Variants in EMID1 observed in about 807,000 individuals in gnomAD.
EMID1 encodes EMI domain containing 1, also known as EMI domain-containing protein 1.
Under a neutral mutation model 60.6 loss-of-function variants are expected in EMID1, and 40 were observed. The ratio of observed to expected loss-of-function variants is 0.66; its 90% CI spans 0.51 to 0.86. The LOEUF (loss-of-function observed/expected upper bound fraction) is 0.86, where lower values mean the gene tolerates loss of function less well. Among genes scored for constraint, EMID1 ranks in the 40% least tolerant of loss-of-function variants. EMID1 has a pLI of 0.00. For missense variants in EMID1, 585 were observed against 597.1 expected (o/e 0.98, Z 0.21); for synonymous variants, 242 against 231.0 (o/e 1.05, Z -0.43).
intron 12 of EMID1, among the ~76,000 whole-genome samples, chr22:29,241,622 C>T (rs1053618050): frequency 2.6e-5 from 4 of 152,266 alleles, no homozygotes; most frequent in African/African-American, 9.6e-5. Flanking sequence ...CTTGTGACCT[C>T]AGATGATCCG....
At chr22:29,211,181 C>A (rs1271694247) in intron 1 of EMID1, among the ~76,000 whole-genome samples, 4 of 152,074 alleles carry the variant, frequency 2.6e-5, no homozygotes, top group Non-Finnish European at 5.9e-5. Context: ...CCCCTCTGGG[C>A]CTGCTTTGGT....
At chr22:29,228,305 G>A (rs1390440082) in intron 5 of EMID1, among the ~76,000 whole-genome samples, 4 of 151,846 alleles carry the variant, frequency 2.6e-5, no homozygotes, top group Non-Finnish European at 4.4e-5. Context: ...CACCCTGGAC[G>A]ACAGAGCGAG....
chr22:29,216,330 C>A, intron 3 of EMID1: 1 of 985,456 alleles, frequency 1.0e-6, no homozygotes, highest in African/African-American at 1.7e-5. Flanking sequence ...CAGGCACCTG[C>A]CCCTCTGCTG....
chr22:29,239,851 CTGT>C (rs1431006939), intron 12 of EMID1, among the ~76,000 whole-genome samples: 1 of 151,810 alleles, frequency 6.6e-6, no homozygotes, highest in African/African-American at 2.4e-5. Flanking sequence ...CCTCCACCTC[CTGT>C]GTTCAAGTGA....
At chr22:29,216,406 C>T (rs2040084107) in intron 3 of EMID1, 3 of 985,402 alleles carry the variant, frequency 3.0e-6, no homozygotes, top group Non-Finnish European at 3.6e-6. Flanking sequence ...TTTTGGACAC[C>T]AAGAGCTGTG....
At chr22:29,223,672 C>T (rs2040389204) in intron 3 of EMID1, among the ~76,000 whole-genome samples, 1 of 152,226 alleles carries the variant, frequency 6.6e-6, no homozygotes, top group Non-Finnish European at 1.5e-5. Flanking sequence ...CTCATTTCCT[C>T]CTAGCGGGGA....
chr22:29,208,662 G>A (rs950451508), intron 1 of EMID1, among the ~76,000 whole-genome samples: 3 of 152,200 alleles, frequency 2.0e-5, no homozygotes, highest in Non-Finnish European at 2.9e-5. Flanking sequence ...GGTGACCTGG[G>A]TAGGTGCTTT....
At chr22:29,235,333 A>C (rs1249453057) in intron 12 of EMID1, among the ~76,000 whole-genome samples, 2 of 139,260 alleles carry the variant, frequency 1.4e-5, no homozygotes, top group African/African-American at 5.4e-5. Context: ...GGGCAATAAG[A>C]GTGAGACTTC....
At chr22:29,234,588 G>C (rs1419989710) in intron 12 of EMID1, among the ~76,000 whole-genome samples, 1 of 151,974 alleles carries the variant, frequency 6.6e-6, no homozygotes, top group Admixed American at 6.6e-5. Context: ...CTGTCTCTTT[G>C]ACTCTGTATT....
chr22:29,207,292 G>A (rs996633463), intron 1 of EMID1, among the ~76,000 whole-genome samples: 1 of 152,228 alleles, frequency 6.6e-6, no homozygotes, highest in Non-Finnish European at 1.5e-5. Context: ...ACCACCTATT[G>A]TGTGCAGACA....
chr22:29,231,486 G>A lies in EMID1; in HGVS notation c.587-107G>A, dbSNP rs780105164. 11 of 1,203,320 alleles carry A rather than the reference G, an allele frequency of 9.1e-6. No homozygotes were observed. In the South Asian group the frequency reaches 1.4e-4, roughly 16 times the overall value. 74.5% of individuals were successfully genotyped at this position (1,203,320 alleles called of 1,614,324 possible). On this transcript the variant is annotated intron_variant, in intron 6 of 14. Coordinates refer to ENST00000334018, the MANE Select transcript of EMID1 (RefSeq NM_133455.4). ...TGCCAGGAGCCATAGAGAGTGTGAG[G>A]GTCCCGCTGCTTCCCCGAAATGGTA...
intron 13 of EMID1, among the ~76,000 whole-genome samples, chr22:29,249,120 C>T (rs576700244): frequency 4.6e-5 from 7 of 152,338 alleles, no homozygotes; most frequent in Non-Finnish European, 1.0e-4. Flanking sequence ...CATTCTCCCA[C>T]ATTACCACAA....
In EMID1 at chr22:29,233,648, T is replaced by C. The variant is rs778128662; in HGVS notation, c.948T>C (p.Pro316=). Reference sequence around the variant, plus strand: ...GGCCTCCTGGCCCCACAGGTGTCCCTGGGAGTCCTGGTCACATAGTGAGTA... The same window carrying C: ...GGCCTCCTGGCCCCACAGGTGTCCCCGGGAGTCCTGGTCACATAGTGAGTA... ...PPGPPGPTGV[P]GSPGHIGPPG... Residue 316 remains proline (P), a synonymous_variant, in exon 10 of 15, where the codon CCT becomes CCC. Transcript: ENST00000334018. The C allele has an allele frequency of 6.2e-7, 1 of 1,613,994 alleles. No individual in the cohort carries two copies. The highest frequency in any genetic ancestry group is 1.1e-5 in the South Asian group (1 of 91,064).
At chr22:29,214,727 G>T (rs1319465673) in intron 1 of EMID1, among the ~76,000 whole-genome samples, 199 bp from the exon 2 acceptor site, 1 of 152,072 alleles carries the variant, frequency 6.6e-6, no homozygotes, top group Admixed American at 6.5e-5. Context: ...CCACCCCTAG[G>T]GCCATGACAT....
At chr22:29,223,731 G>C (rs2040390786) in intron 3 of EMID1, among the ~76,000 whole-genome samples, 1 of 151,988 alleles carries the variant, frequency 6.6e-6, no homozygotes. Flanking sequence ...GAGCATGGGT[G>C]ACAGAGAAGA....
intron 14 of EMID1, chr22:29,255,204 C>CCA: frequency 1.2e-6 from 1 of 814,592 alleles, no homozygotes. Context: ...ACCCTCCCCG[C>CCA]TTGGCTCCCC....
Position 29,254,135 on chromosome 22 carries a change from A to C in EMID1, c.1120-68A>C, listed in dbSNP as rs543852419. 49 of 1,607,202 alleles carry C rather than the reference A, an allele frequency of 3.0e-5. No individual in the cohort carries two copies. In the African/African-American group the frequency reaches 6.0e-4, roughly 20 times the overall value. On this transcript the variant is annotated intron_variant, in intron 13 of 14. Coordinates refer to ENST00000334018, the MANE Select transcript of EMID1 (RefSeq NM_133455.4). ...GCATGTCCCGGGTGGGGCATGGGCC[A>C]CCGACGGGCTTTGCAGGGTCCCCTC...
chr22:29,225,247 C>G (rs771937436), intron 4 of EMID1, 31 bp downstream of exon 4: 11 of 1,610,390 alleles, frequency 6.8e-6, no homozygotes, highest in Non-Finnish European at 8.5e-6. Flanking sequence ...TTGAGGTCCC[C>G]CTGGGCTGAG....
At chr22:29,229,890 TC>T (rs1757486805) in intron 5 of EMID1, among the ~76,000 whole-genome samples, 1 of 152,176 alleles carries the variant, frequency 6.6e-6, no homozygotes, top group South Asian at 2.1e-4. Context: ...GAGCCCCTGA[TC>T]TGTGGTCATC....
Sources: gnomAD v4.1 joint callset for allele counts (sites outside exome capture counted in the v4.1 genomes callset) on GRCh38, gnomAD v4.1.1 for gene constraint, MANE v1.5 for transcripts, NCBI Gene and HGNC (gene_info 2026-07-23, HGNC 2026-07-21) for gene names.